FRAS1: variants seen among roughly 807,000 people sequenced by gnomAD.
FRAS1 encodes the protein extracellular matrix organizing protein FRAS1.
FRAS1 carries 290 observed loss-of-function variants against 435.2 expected under a neutral mutation model. The ratio of observed to expected loss-of-function variants is 0.67; its 90% confidence interval spans 0.61 to 0.73. The LOEUF is 0.73. Among genes scored for constraint, FRAS1 ranks in the 30% least tolerant of loss-of-function variants. The probability of loss-of-function intolerance (pLI) is 0.00; values close to 1 mark genes in which losing one functional copy is unlikely to be tolerated. For synonymous variants in FRAS1, 1,800 were observed against 1,851.0 expected (o/e 0.97, Z 0.71); for missense variants, 4,860 against 5,001.5 (o/e 0.97, Z 0.85).
chr4:78,303,803 A>G (rs190523165), intron 14 of FRAS1, among the ~76,000 whole-genome samples: 26,365 of 148,564 alleles, frequency 0.18, 2,868 homozygotes, highest in East Asian at 0.28. Context: ...ATCTGCAAAC[A>G]GGTACAATTT....
intron 2 of FRAS1, among the ~76,000 whole-genome samples, chr4:78,114,853 C>A (rs1354728853): frequency 1.3e-5 from 2 of 152,212 alleles, no homozygotes; most frequent in East Asian, 3.8e-4. Context: ...CTGGCCAGAA[C>A]TTCCAACACT....
chr4:78,280,141 G>T (rs772518764), intron 10 of FRAS1, among the ~76,000 whole-genome samples: 4 of 152,076 alleles, frequency 2.6e-5, no homozygotes, highest in Non-Finnish European at 5.9e-5. Context: ...ATTAAGTCAA[G>T]AACTTTCATC....
At chr4:78,468,540 AACCAGTAAAAT>A (rs1719606447) in intron 50 of FRAS1, among the ~76,000 whole-genome samples, 1 of 142,580 alleles carries the variant, frequency 7.0e-6, no homozygotes, top group Non-Finnish European at 1.6e-5. Context: ...CAGCTTGTGA[AACCAGTAAAAT>A]GCTTTTCTCT....
intron 30 of FRAS1, among the ~76,000 whole-genome samples, chr4:78,402,181 A>G (rs1385042767): frequency 6.6e-6 from 1 of 152,196 alleles, no homozygotes; most frequent in East Asian, 1.9e-4. Context: ...TTTTTAAAAT[A>G]ACTAAATTGA....
intron 13 of FRAS1, among the ~76,000 whole-genome samples, chr4:78,285,106 GAGA>G (rs964566686): frequency 1.3e-5 from 2 of 152,160 alleles, no homozygotes; most frequent in Non-Finnish European, 2.9e-5. Context: ...TGCTACATCT[GAGA>G]AGAACTTACT....
intron 70 of FRAS1, among the ~76,000 whole-genome samples, chr4:78,532,368 A>G (rs527811780): frequency 1.3e-5 from 2 of 152,130 alleles, no homozygotes; most frequent in Non-Finnish European, 1.5e-5. Flanking sequence ...GAGGCCTTCC[A>G]TGACTGAGTT....
At chr4:78,131,324 C>T (rs913621553) in intron 2 of FRAS1, among the ~76,000 whole-genome samples, 7 of 152,170 alleles carry the variant, frequency 4.6e-5, no homozygotes, top group African/African-American at 7.2e-5. Context: ...CACAGATCTA[C>T]AGTATTAGTC....
chr4:78,327,775 C>G (rs1019487102), intron 18 of FRAS1, among the ~76,000 whole-genome samples: 9 of 152,206 alleles, frequency 5.9e-5, no homozygotes, highest in African/African-American at 2.2e-4. Context: ...AGAACTCCTG[C>G]TATGAAATCA....
At chr4:78,528,532 T>C (rs775498477) in intron 70 of FRAS1, among the ~76,000 whole-genome samples, 1 of 152,156 alleles carries the variant, frequency 6.6e-6, no homozygotes, top group Non-Finnish European at 1.5e-5. Flanking sequence ...ATTCTCTCTC[T>C]CTGGCTCATC....
chr4:78,298,049 T>TATAC (rs1206450467), intron 14 of FRAS1, among the ~76,000 whole-genome samples: 5 of 139,440 alleles, frequency 3.6e-5, no homozygotes, highest in Non-Finnish European at 6.3e-5. Flanking sequence ...TATATATATA[T>TATAC]ATATTACTAA....
At chr4:78,270,489 A>G (rs1726610468) in intron 9 of FRAS1, among the ~76,000 whole-genome samples, 1 of 151,922 alleles carries the variant, frequency 6.6e-6, no homozygotes, top group South Asian at 2.1e-4. Flanking sequence ...ATTTTGCTAT[A>G]AGCTTTAATT....
intron 62 of FRAS1, 25 bp downstream of exon 62, chr4:78,507,633 G>A: frequency 6.4e-7 from 1 of 1,565,872 alleles, no homozygotes; most frequent in Non-Finnish European, 8.6e-7. Flanking sequence ...CCAAAGGATT[G>A]CTGTTTTACG....
chr4:78,292,967 C>T (rs1727967529), intron 14 of FRAS1, among the ~76,000 whole-genome samples: 1 of 152,182 alleles, frequency 6.6e-6, no homozygotes, highest in Non-Finnish European at 1.5e-5. Flanking sequence ...ATAAAGGTGA[C>T]TTGTTGCTTC....
chr4:78,286,486 A>G lies in FRAS1; in HGVS notation c.1481A>G (p.Gln494Arg), dbSNP rs1727611405. The change falls in exon 14 of 74, where the codon CAG becomes CGG. Residue 494 changes from glutamine to arginine, a missense_variant. By Grantham distance (43) the Gln-to-Arg change is conservative (BLOSUM62 1). Transcript: ENST00000512123. The part of the protein sequence containing the change: ...CQPPLLMRHG[Q>R]CVPTCGDGFY... The stretch of plus-strand genomic sequence containing the variant: ...CCTCCCCTGCTGATGCGGCACGGGC[A>G]GTGTGTGCCTACCTGTGGGGACGGC... The G allele has an allele frequency of 2.5e-6, 4 of 1,613,576 alleles. No individual in the cohort carries two copies. The highest frequency in any genetic ancestry group is 1.7e-5 in the Admixed American group (1 of 59,996).
intron 14 of FRAS1, among the ~76,000 whole-genome samples, chr4:78,293,500 T>C (rs544709081): frequency 6.6e-6 from 1 of 152,322 alleles, no homozygotes; most frequent in African/African-American, 2.4e-5. Flanking sequence ...ACAGACTCTC[T>C]ATTTTTCTCA....
rs778158278 is a variant in FRAS1 at position 78,413,078 on chromosome 4, A to C, written c.4418A>C (p.His1473Pro). 1.3e-6 allele frequency: 2 copies of C among 1,594,276 alleles called. No homozygotes were observed. The highest frequency in any genetic ancestry group is 2.7e-5 in the African/African-American group (2 of 74,060). The part of the protein sequence containing the change: ...APKVSLEASL[H>P]MTAREDGLTV... Reference sequence around the variant, plus strand: ...AAAGTGTCTCTGGAAGCATCTCTCCATATGACTGTGAGTTGGGTGGGAGGC... The same window carrying C: ...AAAGTGTCTCTGGAAGCATCTCTCCCTATGACTGTGAGTTGGGTGGGAGGC... Residue 1473 changes from histidine (H) to proline (P), a missense_variant, in exon 32 of 74, where the codon CAT (histidine) becomes CCT (proline). By Grantham distance (77) the His-to-Pro change is moderately conservative. Coordinates refer to ENST00000512123, the MANE Select transcript of FRAS1 (RefSeq NM_025074.7).
At chr4:78,155,400 C>G (rs1032789826) in intron 2 of FRAS1, among the ~76,000 whole-genome samples, 4 of 152,102 alleles carry the variant, frequency 2.6e-5, no homozygotes, top group African/African-American at 9.7e-5. Context: ...AGTTTTGCTC[C>G]AGACACATTG....
chr4:78,469,735 CTTGTTGTTG>C (rs529520900), intron 50 of FRAS1, among the ~76,000 whole-genome samples: 1 of 151,680 alleles, frequency 6.6e-6, no homozygotes, highest in Admixed American at 6.6e-5. Context: ...AAGAATGCCA[CTTGTTGTTG>C]TTGTTGTTGT....
intron 43 of FRAS1, among the ~76,000 whole-genome samples, chr4:78,447,483 G>A (rs1718888518): frequency 6.6e-6 from 1 of 151,730 alleles, no homozygotes; most frequent in African/African-American, 2.4e-5. Flanking sequence ...TAGATGAAGG[G>A]TTAATAGAAA....
Sources: allele counts gnomAD v4.1 joint callset (sites outside exome capture counted in the v4.1 genomes callset), GRCh38; gene constraint gnomAD v4.1.1; transcripts MANE v1.5; gene names NCBI Gene and HGNC (gene_info 2026-07-23, HGNC 2026-07-21).